The following FBXW10 variants were observed in gnomAD, a reference collection of about 807,000 sequenced individuals.
FBXW10 encodes F-box/WD repeat-containing protein 10.
FBXW10 carries 68 observed loss-of-function variants against 113.1 expected under a neutral mutation model. The ratio of observed to expected loss-of-function variants is 0.60; its 90% CI spans 0.49 to 0.74. The LOEUF (loss-of-function observed/expected upper bound fraction) is 0.74, where lower values mean the gene tolerates loss of function less well. Among genes scored for constraint, FBXW10 ranks in the 30% least tolerant of loss-of-function variants. The pLI is 0.00. For missense variants in FBXW10, 753 were observed against 1,284.5 expected (o/e 0.59, Z 6.32); for synonymous variants, 289 against 481.6 (o/e 0.60, Z 5.24).
intron 5 of FBXW10, among the ~76,000 whole-genome samples, chr17:18,754,861 C>T (rs1384264849): frequency 1.3e-5 from 2 of 152,162 alleles, no homozygotes; most frequent in Non-Finnish European, 2.9e-5. Flanking sequence ...TCCCTGAGTC[C>T]CAGATACCTT....
rs574078152 is a variant in FBXW10, at chr17:18,748,648, A to G, written c.670+543A>G. On this transcript the variant is annotated intron_variant, in intron 2 of 13. Coordinates refer to ENST00000395665, the MANE Select transcript of FBXW10 (RefSeq NM_001267585.2). ...ATTGATCAATATGGCCCCCAAACCC[A>G]TATTTGCACCTCTCCGCTGCAGTGC... Among the ~76,000 whole-genome samples, 39 of 152,118 alleles carry G rather than the reference A, an allele frequency of 2.6e-4. No homozygotes were observed. In the East Asian group the frequency reaches 6.8e-3, roughly 26 times the overall value.
intron 1 of FBXW10, chr17:18,745,393 G>C (rs1005655911): frequency 8.4e-6 from 3 of 355,204 alleles, no homozygotes; most frequent in South Asian, 1.1e-4. Context: ...CAGCAGGTCT[G>C]AGGTGGGCCC....
intron 13 of FBXW10, among the ~76,000 whole-genome samples, chr17:18,775,783 T>G (rs925254896): frequency 2.6e-5 from 4 of 152,176 alleles, no homozygotes; most frequent in Non-Finnish European, 5.9e-5. Context: ...ATTCCAGTGC[T>G]TTGGGAGACC....
At position 18,775,183 on chromosome 17, in the gene FBXW10, C is replaced by T. The variant is rs372890959; in HGVS notation, c.2326C>T (p.Arg776Ter). 8.7e-6 allele frequency: 14 copies of T among 1,604,120 alleles called. No individual in the cohort carries two copies. The highest frequency in any genetic ancestry group is 4.5e-5 in the East Asian group (2 of 44,854). ...LQSQGKSKSP[R>*]RDADDVEKAQ... is the part of the protein sequence containing the mutation. ...AAGTCAAGGAAAGTCAAAATCACCC[C>T]GAAGAGATGGTAAGAAGAGAGTTTA... The change falls in exon 13 of 14, where the codon CGA becomes TGA. Residue 776 changes from arginine to a stop codon, truncating the protein, a stop_gained. Coordinates refer to ENST00000395665, the MANE Select transcript of FBXW10 (RefSeq NM_001267585.2). LOFTEE classifies it high-confidence loss of function.
intron 5 of FBXW10, among the ~76,000 whole-genome samples, chr17:18,752,495 A>G (rs2035188788): frequency 6.6e-6 from 1 of 152,122 alleles, no homozygotes; most frequent in African/African-American, 2.4e-5. Context: ...CGGGCGGATC[A>G]CTAGGTCAGG....
rs181509140 is a variant in FBXW10, at chr17:18,764,937, T to G, written c.1555+74T>G. The stretch of plus-strand genomic sequence containing the variant: ...GGGTTACCAAAATGCTTTGTTTTGC[T>G]CATTTCTATAGGCAGGCAGTCATTT... On this transcript the variant is annotated intron_variant, in intron 8 of 13. Coordinates refer to ENST00000395665, the MANE Select transcript of FBXW10 (RefSeq NM_001267585.2). 232 of 1,612,888 alleles carry G rather than the reference T, an allele frequency of 1.4e-4. No individual in the cohort carries two copies. The African/African-American group carries it at 2.8e-3, about 19-fold the overall frequency.
At chr17:18,751,630 C>T (rs1426569586) in intron 5 of FBXW10, among the ~76,000 whole-genome samples, 1 of 152,144 alleles carries the variant, frequency 6.6e-6, no homozygotes, top group African/African-American at 2.4e-5. Context: ...AGCCCCTGGC[C>T]GTGTTTTGTG....
intron 6 of FBXW10, among the ~76,000 whole-genome samples, chr17:18,757,052 A>G (rs753040628): frequency 1.3e-5 from 2 of 152,148 alleles, no homozygotes; most frequent in Admixed American, 6.5e-5. Context: ...CCTTATATAT[A>G]TGTGTGTACA....
chr17:18,765,082 G>A (rs879653127), intron 8 of FBXW10, among the ~76,000 whole-genome samples: 3 of 151,954 alleles, frequency 2.0e-5, no homozygotes, highest in Admixed American at 2.0e-4. Flanking sequence ...TACACACTGA[G>A]CTAAGTGCTG....
chr17:18,767,597 G>A (rs1340140217), intron 9 of FBXW10, among the ~76,000 whole-genome samples: 2 of 152,112 alleles, frequency 1.3e-5, no homozygotes, highest in Non-Finnish European at 2.9e-5. Flanking sequence ...TGATTGGATG[G>A]TCATGAAACA....
chr17:18,750,893 GTTTTTA>G (rs2035153666), intron 4 of FBXW10, 32 bp from the exon 5 acceptor site: 1 of 1,599,358 alleles, frequency 6.3e-7, no homozygotes, highest in East Asian at 2.3e-5. Context: ...GCCATTTTCT[GTTTTTA>G]TTTTTATTTT....
chr17:18,747,666 C>T (rs898488854), intron 1 of FBXW10, among the ~76,000 whole-genome samples: 5 of 152,000 alleles, frequency 3.3e-5, no homozygotes, highest in African/African-American at 4.8e-5. Context: ...AAGAGCATTC[C>T]CTGTTGCAAT....
At chr17:18,775,853 C>T (rs2151834055) in intron 13 of FBXW10, among the ~76,000 whole-genome samples, 1 of 152,118 alleles carries the variant, frequency 6.6e-6, no homozygotes, top group Middle Eastern at 3.4e-3. Context: ...CTTAGCAAGA[C>T]CCTTGTCTCT....
At position 18,751,058 on chromosome 17, in the gene FBXW10, G is replaced by C. The variant is rs1191626740; in HGVS notation, c.1122+5G>C. 2 of 1,613,856 alleles carry C rather than the reference G, an allele frequency of 1.2e-6. No homozygotes were observed. The highest frequency in any genetic ancestry group is 4.5e-5 in the East Asian group (2 of 44,868). Reference sequence around the variant, plus strand: ...AAGTGGAAGCTGAGAACGAAGGTGGGTTCCAACAGCATCTGGGGCAAGTAG... The same window carrying C: ...AAGTGGAAGCTGAGAACGAAGGTGGCTTCCAACAGCATCTGGGGCAAGTAG... On this transcript the variant is annotated splice_donor_5th_base_variant and intron_variant, in intron 5 of 13. Coordinates refer to ENST00000395665, the MANE Select transcript of FBXW10 (RefSeq NM_001267585.2).
chr17:18,758,234 TG>T, intron 6 of FBXW10, 70 bp from the exon 7 acceptor site: 5 of 1,255,858 alleles, frequency 4.0e-6, no homozygotes, highest in Admixed American at 2.7e-5. Flanking sequence ...GCAAAAGTCA[TG>T]GGGCTAAGTC....
chr17:18,748,180 G>C, intron 2 of FBXW10, 75 bp downstream of exon 2: 1 of 1,589,264 alleles, frequency 6.3e-7, no homozygotes, highest in Non-Finnish European at 8.6e-7. Context: ...AGCACTTTGG[G>C]AGGCCGAGGC....
chr17:18,773,961 T>C (rs1380283912), intron 12 of FBXW10, among the ~76,000 whole-genome samples: 3 of 152,218 alleles, frequency 2.0e-5, no homozygotes, highest in African/African-American at 7.2e-5. Context: ...ACAGAGGTGC[T>C]GAACAGAATT....
intron 8 of FBXW10, 97 bp from the exon 9 acceptor site, chr17:18,766,617 C>T (rs1597600267): frequency 7.1e-7 from 1 of 1,418,110 alleles, no homozygotes; most frequent in East Asian, 2.4e-5. Context: ...CTTGATGAGT[C>T]TTTGCTTCTG....
chr17:18,746,919 CTTT>C (rs1166761219), intron 1 of FBXW10, among the ~76,000 whole-genome samples: 5 of 129,122 alleles, frequency 3.9e-5, no homozygotes, highest in East Asian at 2.2e-4. Flanking sequence ...TGGCAACCTT[CTTT>C]TTTTTTTTTT....
Sources: gnomAD v4.1 joint callset for allele counts (sites outside exome capture counted in the v4.1 genomes callset) on GRCh38, gnomAD v4.1.1 for gene constraint, MANE v1.5 for transcripts, NCBI Gene and HGNC (gene_info 2026-07-23, HGNC 2026-07-21) for gene names.